FAM168B: variants seen among roughly 807,000 people sequenced by gnomAD.
FAM168B encodes the protein myelin-associated neurite-outgrowth inhibitor.
In FAM168B, 19 loss-of-function variants were observed where a neutral mutation model predicts 21.8. The ratio of observed to expected loss-of-function variants is 0.87; its 90% CI spans 0.61 to 1.28. The LOEUF is 1.28. Among genes scored for constraint, FAM168B ranks in the 50% most tolerant of loss-of-function variants. The pLI is 0.00. For missense variants in FAM168B, 233 were observed against 263.1 expected (o/e 0.89, Z 0.79); for synonymous variants, 126 against 104.8 (o/e 1.20, Z -1.24).
intron 3 of FAM168B, among the ~76,000 whole-genome samples, chr2:131,066,779 C>G (rs1692583557): frequency 6.6e-6 from 1 of 152,178 alleles, no homozygotes; most frequent in Admixed American, 6.5e-5. Flanking sequence ...GTGACACAGT[C>G]AGGAGTATAA....
chr2:131,078,469 T>C (rs1291148626), intron 2 of FAM168B, among the ~76,000 whole-genome samples: 1 of 152,174 alleles, frequency 6.6e-6, no homozygotes, highest in East Asian at 1.9e-4. Flanking sequence ...CACTTATAGA[T>C]GGAGTTCCAG....
intron 3 of FAM168B, among the ~76,000 whole-genome samples, chr2:131,068,890 C>T (rs1227793959): frequency 6.6e-6 from 1 of 152,166 alleles, no homozygotes; most frequent in Non-Finnish European, 1.5e-5. Context: ...GTGGTGTGCA[C>T]CTGTAATCCC....
At chr2:131,059,753 T>C (rs746360122) in intron 3 of FAM168B, among the ~76,000 whole-genome samples, 4 of 152,162 alleles carry the variant, frequency 2.6e-5, no homozygotes, top group Non-Finnish European at 5.9e-5. Context: ...GACAGATAAC[T>C]GGAAATATGA....
intron 3 of FAM168B, among the ~76,000 whole-genome samples, chr2:131,061,587 C>A (rs1057288298): frequency 3.3e-5 from 5 of 152,050 alleles, no homozygotes; most frequent in African/African-American, 4.8e-5. Context: ...TTGAAACCAG[C>A]CTGGCCAACA....
chr2:131,091,844 G>C (rs1439182972), intron 1 of FAM168B, among the ~76,000 whole-genome samples: 1 of 151,250 alleles, frequency 6.6e-6, no homozygotes, highest in Admixed American at 6.6e-5. Flanking sequence ...TTAAAATTGT[G>C]CTCGGCCAGG....
intron 1 of FAM168B, among the ~76,000 whole-genome samples, chr2:131,083,246 C>T (rs1364777627): frequency 6.6e-6 from 1 of 152,184 alleles, no homozygotes; most frequent in Non-Finnish European, 1.5e-5. Context: ...CCCAGCTACT[C>T]AGAACGCTAA....
intron 3 of FAM168B, among the ~76,000 whole-genome samples, chr2:131,056,391 T>C (rs1692020955): frequency 6.6e-6 from 1 of 151,984 alleles, no homozygotes; most frequent in African/African-American, 2.4e-5. Flanking sequence ...TGGAGGATGA[T>C]TGAGCAGACT....
chr2:131,091,516 G>C (rs147871624), intron 1 of FAM168B, among the ~76,000 whole-genome samples: 2,920 of 144,362 alleles, frequency 0.02, 87 homozygotes, highest in African/African-American at 0.067. Context: ...GCGCAGTGGT[G>C]TGTGCCTGTA....
intron 1 of FAM168B, among the ~76,000 whole-genome samples, chr2:131,085,486 T>C (rs1234929193): frequency 1.3e-5 from 2 of 152,128 alleles, no homozygotes; most frequent in Admixed American, 6.6e-5. Context: ...CAAATGCCTT[T>C]CAGAACACTC....
chr2:131,091,474 C>T (rs1402616593), intron 1 of FAM168B, among the ~76,000 whole-genome samples: 1 of 151,552 alleles, frequency 6.6e-6, no homozygotes, highest in South Asian at 2.1e-4. Flanking sequence ...GGTAAAACCC[C>T]GTCTCTACTA....
At chr2:131,061,694 A>C (rs777683897) in intron 3 of FAM168B, among the ~76,000 whole-genome samples, 1 of 152,130 alleles carries the variant, frequency 6.6e-6, no homozygotes, top group Admixed American at 6.6e-5. Context: ...AGGTGGGAGA[A>C]TCAGCTGAAC....
intron 2 of FAM168B, among the ~76,000 whole-genome samples, chr2:131,080,002 A>G (rs1402128112): frequency 5.9e-5 from 9 of 152,062 alleles, no homozygotes. Flanking sequence ...CTGTAATCCC[A>G]GCAACTCAGG....
rs1029811208 is a variant in FAM168B, at chr2:131,048,649, C to T, written c.*3816G>A. On this transcript the variant is annotated 3_prime_UTR_variant, in exon 7 of 7. Transcript: ENST00000389915. The stretch of plus-strand genomic sequence containing the variant: ...GAGCCCTCAGGACCTACTGATAAAG[C>T]ATGTCCTCTGCAGTATACTCAAGAG... 1 of 1,036,932 alleles carries T rather than the reference C, an allele frequency of 9.6e-7. No homozygotes were observed. The highest frequency in any genetic ancestry group is 1.2e-6 in the Non-Finnish European group (1 of 859,756). The allele number at this position is 1,036,932 out of a possible 1,614,324, so 64.2% of individuals were successfully genotyped here. A position where few individuals can be genotyped will look rare whatever the true frequency, so the allele number is the denominator to read the frequency against.
chr2:131,061,015 C>A (rs1315549198), intron 3 of FAM168B, among the ~76,000 whole-genome samples: 1 of 150,980 alleles, frequency 6.6e-6, no homozygotes, highest in African/African-American at 2.4e-5. Flanking sequence ...CCAAGCCTGG[C>A]TAATTTTTTT....
At chr2:131,073,747 A>C (rs1231597010) in intron 2 of FAM168B, among the ~76,000 whole-genome samples, 1 of 152,210 alleles carries the variant, frequency 6.6e-6, no homozygotes, top group Non-Finnish European at 1.5e-5. Context: ...AGCAGAAAAC[A>C]AATTAAGACA....
chr2:131,076,563 G>A (rs1016377647), intron 2 of FAM168B, among the ~76,000 whole-genome samples: 61 of 150,986 alleles, frequency 4.0e-4, no homozygotes, highest in African/African-American at 1.4e-3. Context: ...TGAGGCAGGA[G>A]AATGGCGTGA....
chr2:131,078,600 C>T (rs986579719), intron 2 of FAM168B, among the ~76,000 whole-genome samples: 1 of 152,168 alleles, frequency 6.6e-6, no homozygotes, highest in African/African-American at 2.4e-5. Context: ...AAAATCGCAT[C>T]TAGTTACATC....
chr2:131,091,980 A>AAC (rs1694056009), intron 1 of FAM168B, among the ~76,000 whole-genome samples: 2 of 150,730 alleles, frequency 1.3e-5, no homozygotes, highest in South Asian at 4.2e-4. Context: ...AAAAAAAAAA[A>AAC]CAAATACAAA....
At chr2:131,092,564 CTT>C (rs1301981954) in intron 1 of FAM168B, among the ~76,000 whole-genome samples, 4 of 152,264 alleles carry the variant, frequency 2.6e-5, no homozygotes, top group Admixed American at 1.3e-4. Context: ...GCAAAATATT[CTT>C]GTTTGACTTT....
Sources: allele counts gnomAD v4.1 joint callset (sites outside exome capture counted in the v4.1 genomes callset), GRCh38; gene constraint gnomAD v4.1.1; transcripts MANE v1.5; gene names NCBI Gene and HGNC (gene_info 2026-07-23, HGNC 2026-07-21).